EPHA7: variants seen among roughly 807,000 people sequenced by gnomAD.
The protein encoded by EPHA7 is EPH receptor A7, also known as ephrin type-A receptor 7.
Under a neutral mutation model 112.6 loss-of-function variants are expected in EPHA7, and 25 were observed. The ratio of observed to expected loss-of-function variants is 0.22; its 90% confidence interval spans 0.16 to 0.31. EPHA7 has a LOEUF of 0.31. Ranked by LOEUF, EPHA7 falls within the 10% of genes least tolerant of loss-of-function variation. EPHA7 has a pLI of 1.00. For synonymous variants in EPHA7, 437 were observed against 406.5 expected, an observed-to-expected ratio of 1.07 and a Z score of -0.90; for missense variants, 962 against 1,212.6, an observed-to-expected ratio of 0.79 and a Z score of 3.07.
At chr6:93,413,168 A>G (rs1324407818) in intron 2 of EPHA7, among the ~76,000 whole-genome samples, 5 of 152,086 alleles carry the variant, frequency 3.3e-5, no homozygotes, top group African/African-American at 1.2e-4. Flanking sequence ...TTATATCTCA[A>G]GAACATTTTT....
At chr6:93,383,037 C>T (rs998453386) in intron 3 of EPHA7, among the ~76,000 whole-genome samples, 5 of 152,098 alleles carry the variant, frequency 3.3e-5, no homozygotes, top group African/African-American at 9.7e-5. Flanking sequence ...GTTAAGAGAG[C>T]TTAATTTGAT....
intron 5 of EPHA7, among the ~76,000 whole-genome samples, chr6:93,310,458 A>G (rs1236964212): frequency 1.3e-5 from 2 of 152,140 alleles, no homozygotes; most frequent in African/African-American, 4.8e-5. Context: ...TGAGGTCTGG[A>G]GTTCAAGACC....
chr6:93,327,631 A>G (rs527689143), intron 5 of EPHA7, among the ~76,000 whole-genome samples: 1 of 151,536 alleles, frequency 6.6e-6, no homozygotes, highest in East Asian at 1.9e-4. Flanking sequence ...TAAAATACTC[A>G]AGGCTTCCCT....
At chr6:93,302,083 G>A (rs1773014602) in intron 5 of EPHA7, among the ~76,000 whole-genome samples, 1 of 152,126 alleles carries the variant, frequency 6.6e-6, no homozygotes, top group South Asian at 2.1e-4. Flanking sequence ...CGGAAAGTGT[G>A]TAATTCTCCT....
intron 3 of EPHA7, among the ~76,000 whole-genome samples, chr6:93,407,592 T>C (rs1778782884): frequency 6.6e-6 from 1 of 152,066 alleles, no homozygotes; most frequent in Non-Finnish European, 1.5e-5. Flanking sequence ...CGCACACATA[T>C]TCTTTCGATT....
In EPHA7 at chr6:93,377,631, C is replaced by T. The variant is rs574682889; in HGVS notation, c.833-19220G>A. Among the ~76,000 whole-genome samples the T allele has an allele frequency of 4.5e-4, 68 of 152,120 alleles. No individual in the cohort carries two copies. The South Asian group carries it at 8.5e-3, about 19-fold the overall frequency. ...CATCCCTTATCTTATATCAGTGTCC[C>T]TATTTCAAATTTCAAAAGGAAAACC... On this transcript the variant is annotated intron_variant, in intron 3 of 16. Coordinates refer to ENST00000369303, the MANE Select transcript of EPHA7 (RefSeq NM_004440.4).
chr6:93,252,043 A>C (rs1219137399), intron 14 of EPHA7, among the ~76,000 whole-genome samples: 1 of 152,006 alleles, frequency 6.6e-6, no homozygotes, highest in African/African-American at 2.4e-5. Flanking sequence ...TAGGTATATT[A>C]GTTTTCCCTA....
In EPHA7 at chr6:93,255,923, T is replaced by C. The variant is rs1770422912; in HGVS notation, c.2287A>G (p.Asn763Asp). ...ACGAGATTGCTGTTGACAAGAATAT[T>C]GCGAGCTGCAAGGTCCCTGTGAACA... ...GYVHRDLAAR[N>D]ILVNSNLVCK... The change falls in exon 13 of 17, where the codon AAT (asparagine) becomes GAT (aspartate). Residue 763 changes from asparagine to aspartate, a missense_variant. Around this residue, in one of 3 missense-constraint regions of EPHA7, gnomAD observed 746 missense variants for 889.2 expected, o/e 0.84. Coordinates refer to ENST00000369303, the MANE Select transcript of EPHA7 (RefSeq NM_004440.4). The C allele has an allele frequency of 3.1e-6, 5 of 1,614,100 alleles. No homozygotes were observed. Among genetic ancestry groups the C allele is most frequent in the Non-Finnish European group, 4.2e-6 (5 of 1,179,998 alleles).
chr6:93,339,440 A>G (rs570940966), intron 5 of EPHA7, among the ~76,000 whole-genome samples: 27 of 151,932 alleles, frequency 1.8e-4, no homozygotes, highest in African/African-American at 6.3e-4. Flanking sequence ...ATTCAATTCT[A>G]CTACATCAAC....
chr6:93,330,641 T>C (rs973644552), intron 5 of EPHA7, among the ~76,000 whole-genome samples: 1 of 151,376 alleles, frequency 6.6e-6, no homozygotes, highest in Admixed American at 6.6e-5. Flanking sequence ...CTGAATAGTA[T>C]ACCATTATGT....
At chr6:93,267,353 T>C (rs565300215) in intron 7 of EPHA7, among the ~76,000 whole-genome samples, 5 of 151,802 alleles carry the variant, frequency 3.3e-5, no homozygotes, top group South Asian at 2.1e-4. Flanking sequence ...ACTACTATAC[T>C]AGAAATTAGG....
intron 3 of EPHA7, among the ~76,000 whole-genome samples, chr6:93,360,515 G>C (rs1383130609): frequency 1.3e-5 from 2 of 152,014 alleles, no homozygotes; most frequent in Admixed American, 6.6e-5. Context: ...GAGGTTATGG[G>C]GGGACAATGG....
chr6:93,250,778 C>T (rs538464937), intron 14 of EPHA7, among the ~76,000 whole-genome samples: 1 of 152,168 alleles, frequency 6.6e-6, no homozygotes, highest in African/African-American at 2.4e-5. Flanking sequence ...CCTTAGTATT[C>T]TAATAAAATT....
At chr6:93,255,012 T>C (rs921598396) in intron 13 of EPHA7, among the ~76,000 whole-genome samples, 5 of 152,040 alleles carry the variant, frequency 3.3e-5, no homozygotes, top group African/African-American at 1.2e-4. Context: ...ACTCAACTGA[T>C]TGAGATTTGT....
At chr6:93,330,696 A>G (rs1174899457) in intron 5 of EPHA7, among the ~76,000 whole-genome samples, 1 of 151,322 alleles carries the variant, frequency 6.6e-6, no homozygotes, top group East Asian at 1.9e-4. Flanking sequence ...GTTGATCGAT[A>G]CTTAGGTTGA....
intron 3 of EPHA7, among the ~76,000 whole-genome samples, chr6:93,398,530 C>A (rs1179616184): frequency 2.0e-5 from 3 of 150,536 alleles, no homozygotes; most frequent in Admixed American, 1.3e-4. Context: ...AGAATTTTCT[C>A]AAAGATAAAT....
chr6:93,257,108 C>T (rs1467823793), intron 12 of EPHA7, among the ~76,000 whole-genome samples: 1 of 152,058 alleles, frequency 6.6e-6, no homozygotes, highest in Non-Finnish European at 1.5e-5. Context: ...AGTGTCAACA[C>T]AGAATGGTTA....
chr6:93,311,885 T>G (rs536616631), intron 5 of EPHA7, among the ~76,000 whole-genome samples: 5 of 152,290 alleles, frequency 3.3e-5, no homozygotes, highest in Non-Finnish European at 5.9e-5. Context: ...ACAATAATAT[T>G]AATCTCCTGT....
chr6:93,379,503 G>A lies in EPHA7; in HGVS notation c.833-21092C>T, dbSNP rs757107819. On this transcript the variant is annotated intron_variant, in intron 3 of 16. Coordinates refer to ENST00000369303, the MANE Select transcript of EPHA7 (RefSeq NM_004440.4). ...TGAAGATCAATTTAACTTGGGATACGATATGTAACAATAACTTTTTATATT... is the reference window on the plus strand; with the variant it reads ...TGAAGATCAATTTAACTTGGGATACAATATGTAACAATAACTTTTTATATT... Among the ~76,000 whole-genome samples the A allele has an allele frequency of 6.4e-4, 97 of 151,970 alleles. 1 individual carries two copies. The highest frequency in any genetic ancestry group is 4.0e-4 in the Non-Finnish European group (27 of 67,880).
Sources: gnomAD v4.1 joint callset for allele counts (sites outside exome capture counted in the v4.1 genomes callset) on GRCh38, gnomAD v4.1.1 for gene constraint, gnomAD v4.1.1 regional missense constraint, MANE v1.5 for transcripts, NCBI Gene and HGNC (gene_info 2026-07-23, HGNC 2026-07-21) for gene names.